Variants in TENM4 observed in about 807,000 individuals in gnomAD.
The protein encoded by TENM4 is teneurin-4.
TENM4 carries 82 observed loss-of-function variants against 243.3 expected under a neutral mutation model. The observed-to-expected ratio is 0.34, with a 90% CI of 0.28 to 0.40. TENM4 has a LOEUF of 0.40. TENM4 is among the 10% of genes least tolerant of loss of function. The pLI is 1.00. For missense variants in TENM4, 3,138 were observed against 3,673.3 expected (o/e 0.85, Z 3.77); for synonymous variants, 1,412 against 1,456.3 (o/e 0.97, Z 0.69).
intron 5 of TENM4, chr11:79,068,383 A>T (rs2136998432): frequency 6.6e-6 from 1 of 152,354 alleles, no homozygotes; most frequent in South Asian, 2.1e-4. Flanking sequence ...AGCCTTAACC[A>T]TAAGCTGGGA....
intron 3 of TENM4, among the ~76,000 whole-genome samples, chr11:79,155,361 T>A (rs1285760926): frequency 6.6e-6 from 1 of 152,016 alleles, no homozygotes; most frequent in African/African-American, 2.4e-5. Flanking sequence ...CTCTCTTTTT[T>A]TTTTTTTTGG....
At chr11:79,373,539 T>C (rs1244357737) in intron 1 of TENM4, among the ~76,000 whole-genome samples, 1 of 151,912 alleles carries the variant, frequency 6.6e-6, no homozygotes, top group Non-Finnish European at 1.5e-5. Flanking sequence ...GGTGGGTGGA[T>C]GGATAGTCAG....
chr11:78,807,580 C>T (rs866994484), intron 14 of TENM4, among the ~76,000 whole-genome samples: 9 of 152,122 alleles, frequency 5.9e-5, no homozygotes, highest in African/African-American at 1.4e-4. Context: ...TAAAGGAGGT[C>T]GATTCATGTT....
intron 29 of TENM4, among the ~76,000 whole-genome samples, chr11:78,686,962 A>G (rs2135718982): frequency 6.6e-6 from 1 of 152,322 alleles, no homozygotes; most frequent in East Asian, 1.9e-4. Context: ...CTAATTAATT[A>G]ATTACTTAAG....
chr11:78,720,301 T>C (rs1325937391), intron 25 of TENM4, 69 bp downstream of exon 25: 11 of 1,551,534 alleles, frequency 7.1e-6, no homozygotes, highest in Non-Finnish European at 8.9e-6. Flanking sequence ...GAAATTGACA[T>C]GTGCAGCTTA....
chr11:79,261,128 T>C (rs1855788589), intron 2 of TENM4, among the ~76,000 whole-genome samples: 1 of 152,156 alleles, frequency 6.6e-6, no homozygotes, highest in South Asian at 2.1e-4. Context: ...AGGGAGGCTG[T>C]CTAGTGGGTA....
At chr11:79,294,808 C>T (rs186415218) in intron 2 of TENM4, among the ~76,000 whole-genome samples, 11 of 152,160 alleles carry the variant, frequency 7.2e-5, no homozygotes, top group Admixed American at 3.3e-4. Flanking sequence ...AAGAACCCAT[C>T]ACTGCACTCC....
intron 12 of TENM4, among the ~76,000 whole-genome samples, chr11:78,832,230 G>A (rs934025812): frequency 3.9e-5 from 6 of 152,108 alleles, no homozygotes; most frequent in Non-Finnish European, 8.8e-5. Flanking sequence ...GGGCCTTCTT[G>A]GTCCACCCTA....
chr11:79,284,482 A>G (rs1471050561), intron 2 of TENM4, among the ~76,000 whole-genome samples: 1 of 152,256 alleles, frequency 6.6e-6, no homozygotes, highest in Non-Finnish European at 1.5e-5. Flanking sequence ...TGATGCCAAG[A>G]TAACTGAATA....
At chr11:79,427,728 A>C (rs1859085445) in intron 1 of TENM4, among the ~76,000 whole-genome samples, 1 of 152,226 alleles carries the variant, frequency 6.6e-6, no homozygotes, top group East Asian at 1.9e-4. Context: ...AAAACATAAT[A>C]AAGGTTATAA....
intron 2 of TENM4, among the ~76,000 whole-genome samples, chr11:79,258,681 A>G (rs1855741066): frequency 6.6e-6 from 1 of 152,218 alleles, no homozygotes; most frequent in African/African-American, 2.4e-5. Flanking sequence ...GCTTCTGAGC[A>G]CATCACATAA....
At chr11:79,003,566 G>C (rs910808946) in intron 6 of TENM4, among the ~76,000 whole-genome samples, 3 of 152,088 alleles carry the variant, frequency 2.0e-5, no homozygotes, top group African/African-American at 7.2e-5. Context: ...CATAAGCAAA[G>C]AAGAAATAAA....
chr11:78,726,310 C>G (rs777446166), intron 22 of TENM4, 88 bp from the exon 23 acceptor site: 1 of 1,440,486 alleles, frequency 6.9e-7, no homozygotes, highest in Non-Finnish European at 9.2e-7. Flanking sequence ...CCTGGCTTAT[C>G]TTTTGTAGAA....
intron 28 of TENM4, among the ~76,000 whole-genome samples, chr11:78,696,369 A>G (rs1250669068): frequency 2.0e-5 from 3 of 152,228 alleles, no homozygotes; most frequent in Non-Finnish European, 1.5e-5. Context: ...CACCTGTGTC[A>G]TACCTGAACG....
At chr11:79,186,798 T>C (rs1863388344) in intron 3 of TENM4, among the ~76,000 whole-genome samples, 1 of 152,242 alleles carries the variant, frequency 6.6e-6, no homozygotes, top group Non-Finnish European at 1.5e-5. Context: ...GCTTTGAATC[T>C]ATACTTGAAT....
chr11:79,193,699 ACTCATT>A (rs1863564839), intron 3 of TENM4, among the ~76,000 whole-genome samples: 1 of 152,098 alleles, frequency 6.6e-6, no homozygotes, highest in Non-Finnish European at 1.5e-5. Flanking sequence ...CGGTGGCCTC[ACTCATT>A]CTCACAGTAG....
chr11:79,333,977 T>C lies in TENM4; in HGVS notation c.-320-36434A>G, dbSNP rs148577982. Among the ~76,000 whole-genome samples the C allele has an allele frequency of 2.9e-3, 444 of 152,326 alleles. 9 individuals are homozygous for C. Among genetic ancestry groups the C allele is most frequent in the Admixed American group, 0.028 (424 of 15,304 alleles). On this transcript the variant is annotated intron_variant, in intron 1 of 33. Coordinates refer to ENST00000278550, the MANE Select transcript of TENM4 (RefSeq NM_001098816.3). The stretch of plus-strand genomic sequence containing the variant: ...TGAAAAGGGCTATTGCTGTGGACTA[T>C]TGTCTTTGATCTAATAAGCTGACAA...
At chr11:79,096,324 A>G (rs1328660172) in intron 4 of TENM4, 3 of 152,228 alleles carry the variant, frequency 2.0e-5, no homozygotes, top group African/African-American at 7.2e-5. Flanking sequence ...TCGAGTACAC[A>G]GTCAATGAAG....
At chr11:79,267,398 G>A (rs958487365) in intron 2 of TENM4, among the ~76,000 whole-genome samples, 1 of 152,182 alleles carries the variant, frequency 6.6e-6, no homozygotes, top group Non-Finnish European at 1.5e-5. Context: ...AAGAATGCCA[G>A]AAATGCCTCA....
Sources: gnomAD v4.1 joint callset for allele counts (sites outside exome capture counted in the v4.1 genomes callset) on GRCh38, gnomAD v4.1.1 for gene constraint, MANE v1.5 for transcripts, NCBI Gene and HGNC (gene_info 2026-07-23, HGNC 2026-07-21) for gene names.